Variants in CLCNKB observed in about 807,000 individuals in gnomAD.
The protein encoded by CLCNKB is chloride voltage-gated channel Kb.
In CLCNKB, 74 loss-of-function variants were observed where a neutral mutation model predicts 83.8. The ratio of observed to expected loss-of-function variants is 0.88; its 90% CI spans 0.73 to 1.07. CLCNKB has a LOEUF of 1.07. Among genes scored for constraint, CLCNKB ranks in the 50% least tolerant of loss-of-function variants. The pLI, the probability that CLCNKB is intolerant of heterozygous loss-of-function variation, is 0.00. For missense variants in CLCNKB, 798 were observed against 893.6 expected (o/e 0.89, Z 1.36); for synonymous variants, 358 against 356.6 (o/e 1.00, Z -0.04).
intron 6 of CLCNKB, 29 bp from the exon 7 acceptor site, chr1:16,048,475 A>C (rs775106990): frequency 6.2e-7 from 1 of 1,612,980 alleles, no homozygotes; most frequent in Non-Finnish European, 8.5e-7. Context: ...GAGGGGGCTG[A>C]CTCTGAGCCC....
Position 16,050,806 on chromosome 1 carries a change from C to T in CLCNKB, c.1054-69C>T, listed in dbSNP as rs897827928. ...GAGGAGGATTCCAGGCGGGGTCAGG[C>T]GGTGCGGGGGAGGCTGGGGTCTGCC... On this transcript the variant is annotated intron_variant, in intron 11 of 19. Coordinates refer to ENST00000375679, the MANE Select transcript of CLCNKB (RefSeq NM_000085.5). The T allele has an allele frequency of 7.4e-5, 118 of 1,602,710 alleles. 1 individual carries two copies. The highest frequency in any genetic ancestry group is 2.0e-4 in the Middle Eastern group (1 of 4,928).
Position 16,055,718 on chromosome 1 carries a change from C to T in CLCNKB, c.1889C>T (p.Pro630Leu). 1 of 1,613,912 alleles carries T rather than the reference C, an allele frequency of 6.2e-7. No homozygotes were observed. Among genetic ancestry groups the T allele is most frequent in the Non-Finnish European group, 8.5e-7 (1 of 1,180,038 alleles). ...DILAAGCPTE[P>L]VTLKLSPETS... Reference sequence around the variant, plus strand: ...TTGGCTGCAGGCTGCCCCACAGAACCAGTGACCCTGAAGCTGTCCCCAGAG... The same window carrying T: ...TTGGCTGCAGGCTGCCCCACAGAACTAGTGACCCTGAAGCTGTCCCCAGAG... Residue 630 changes from proline to leucine, a missense_variant, in exon 18 of 20, where the codon CCA (proline) becomes CTA (leucine). Physicochemically the swap from Pro to Leu is moderately conservative, Grantham distance 98. Coordinates refer to ENST00000375679, the MANE Select transcript of CLCNKB (RefSeq NM_000085.5).
Position 16,044,375 on chromosome 1 carries a change from A to ACACACACACACACACG in CLCNKB, c.-7-108_-7-107insACACACACACACGCAC, listed in dbSNP as rs1477671795. ...TTCACATACACACACACACACACAC[A>ACACACACACACACACG]CACGCACAATCTTTCCTCTTCATGG... On this transcript the variant is annotated intron_variant, in intron 1 of 19. Coordinates refer to ENST00000375679, the MANE Select transcript of CLCNKB (RefSeq NM_000085.5). The ACACACACACACACACG allele has an allele frequency of 9.8e-6, 8 of 812,920 alleles. No homozygotes were observed. The East Asian group carries it at 1.6e-4, about 16-fold the overall frequency. The allele number at this position is 812,920 out of a possible 1,614,324, so 50.4% of individuals were successfully genotyped here. A position where few individuals can be genotyped will look rare whatever the true frequency, so the allele number is the denominator to read the frequency against.
At chr1:16,054,698 C>A (rs896479045) in intron 16 of CLCNKB, among the ~76,000 whole-genome samples, 9 of 152,042 alleles carry the variant, frequency 5.9e-5, no homozygotes, top group African/African-American at 1.9e-4. Flanking sequence ...CCACCAAGAG[C>A]CTTCACTTCC....
chr1:16,052,989 C>T (rs2023340445), intron 15 of CLCNKB, among the ~76,000 whole-genome samples: 2 of 152,106 alleles, frequency 1.3e-5, no homozygotes, highest in Non-Finnish European at 2.9e-5. Context: ...CTGCTTACCC[C>T]AGTGGTTTCC....
At chr1:16,051,274 G>A (rs926893727) in intron 12 of CLCNKB, among the ~76,000 whole-genome samples, 10 of 152,174 alleles carry the variant, frequency 6.6e-5, no homozygotes, top group African/African-American at 2.2e-4. Flanking sequence ...GAGGAAGAAA[G>A]GAATGTACCT....
At chr1:16,049,450 ATGAGGC>A (rs2023212357) in intron 8 of CLCNKB, among the ~76,000 whole-genome samples, 162 bp from the exon 9 acceptor site, 2 of 152,012 alleles carry the variant, frequency 1.3e-5, no homozygotes, top group South Asian at 4.1e-4. Context: ...GGTAGAAGGG[ATGAGGC>A]TGGGCAGGGA....
At chr1:16,055,555 CGGGGGTGGGTCAG>C in intron 17 of CLCNKB, 32 bp downstream of exon 17, 1 of 697,176 alleles carries the variant, frequency 1.4e-6, no homozygotes, top group Non-Finnish European at 2.5e-6. Flanking sequence ...GGGGATGGGG[CGGGGGTGGGTCAG>C]CAGGAATGGG....
At chr1:16,055,177 T>A in intron 16 of CLCNKB, among the ~76,000 whole-genome samples, 1 of 152,120 alleles carries the variant, frequency 6.6e-6, no homozygotes, top group East Asian at 1.9e-4. Flanking sequence ...GGGATCTCAG[T>A]GGTGGCCAGG....
chr1:16,047,280 A>C (rs2863439), intron 4 of CLCNKB, among the ~76,000 whole-genome samples: 20,124 of 151,906 alleles, frequency 0.13, 1,571 homozygotes, highest in African/African-American at 0.18. Context: ...CTGTCTCTAC[A>C]ACAAATAGAA....
rs12093430 is a variant in CLCNKB at position 16,051,071 on chromosome 1, G to A, written c.1227+23G>A. The A allele has an allele frequency of 2.3e-3, 3,637 of 1,613,532 alleles. 81 individuals carry two copies. In the African/African-American group the frequency reaches 0.042, roughly 19 times the overall value. On this transcript the variant is annotated intron_variant, in intron 12 of 19. Coordinates refer to ENST00000375679, the MANE Select transcript of CLCNKB (RefSeq NM_000085.5). Reference sequence around the variant, plus strand: ...AAGGTGGGCCCCCTGGTCCCCAGGTGTGCACAGAGCTGGGACCAGCTCTGG... The same window carrying A: ...AAGGTGGGCCCCCTGGTCCCCAGGTATGCACAGAGCTGGGACCAGCTCTGG...
intron 16 of CLCNKB, among the ~76,000 whole-genome samples, chr1:16,054,423 C>G (rs2023384015): frequency 6.6e-6 from 1 of 152,170 alleles, no homozygotes; most frequent in Non-Finnish European, 1.5e-5. Context: ...CAGTGAGCAA[C>G]CTGTACAACC....
At position 16,053,581 on chromosome 1, in the gene CLCNKB, C is replaced by A. The variant is rs1440942751; in HGVS notation, c.1623-58C>A. On this transcript the variant is annotated intron_variant, in intron 15 of 19. Transcript: ENST00000375679. The stretch of plus-strand genomic sequence containing the variant: ...GCAAAGCTCCCCACAGATCCCCCTG[C>A]CAGCCTGGGTCTCACATCCCTGACT... 3.1e-6 allele frequency: 5 copies of A among 1,612,520 alleles called. No individual in the cohort carries two copies. In the Admixed American group the frequency reaches 8.3e-5, roughly 27 times the overall value.
rs755436182 is a variant in CLCNKB, at chr1:16,053,738, A to C, written c.1722A>C (p.Thr574=). ...AGGTGGTCAAGGTTGTGACCTCCAC[A>C]GACGTGGCCAAGTATCCCCTGGTGG... is the stretch of plus-strand genomic sequence containing the variant. ...LEEVVKVVTS[T]DVAKYPLVES... Residue 574 remains threonine (T), a synonymous_variant, in exon 16 of 20, where the codon ACA becomes ACC. Transcript: ENST00000375679. 7.4e-6 allele frequency: 12 copies of C among 1,613,926 alleles called. No homozygotes were observed. The highest frequency in any genetic ancestry group is 9.3e-6 in the Non-Finnish European group (11 of 1,180,000).
At chr1:16,056,275 C>T (rs1457904338) in intron 18 of CLCNKB, 147 bp from the exon 19 acceptor site, 8 of 866,388 alleles carry the variant, frequency 9.2e-6, no homozygotes, top group Non-Finnish European at 1.4e-5. Context: ...CCCCAGTGGC[C>T]ACATTGGACA....
chr1:16,048,905 A>G, intron 7 of CLCNKB: 1 of 1,448,852 alleles, frequency 6.9e-7, no homozygotes. Flanking sequence ...CGATAGCGAG[A>G]GGGCGCACAC....
Position 16,050,929 on chromosome 1 carries a change from A to T in CLCNKB, c.1108A>T (p.Met370Leu). 2 of 1,613,210 alleles carry T rather than the reference A, an allele frequency of 1.2e-6. No homozygotes were observed. The highest frequency in any genetic ancestry group is 1.7e-6 in the Non-Finnish European group (2 of 1,179,902). Residue 370 changes from methionine (M) to leucine (L), a missense_variant, in exon 12 of 20, where the codon ATG (methionine) becomes TTG (leucine). Met to Leu is a conservative substitution (Grantham distance 15). Transcript: ENST00000375679. ...SLFDNHSWAL[M>L]TQNSSPPWPE... ...GTTCGACAACCACTCCTGGGCGCTG[A>T]TGACCCAGAACTCCAGCCCACCCTG...
intron 2 of CLCNKB, 92 bp downstream of exon 2, chr1:16,044,684 A>G: frequency 9.3e-7 from 1 of 1,075,394 alleles, no homozygotes; most frequent in South Asian, 1.4e-5. Context: ...CCCAGGAACC[A>G]CCCTCCTCCT....
chr1:16,051,449 C>A, intron 12 of CLCNKB, 29 bp from the exon 13 acceptor site: 1 of 1,613,126 alleles, frequency 6.2e-7, no homozygotes. Context: ...CAGCCTCTAA[C>A]CTCTGCCCTG....
Sources: gnomAD v4.1 joint callset for allele counts (sites outside exome capture counted in the v4.1 genomes callset) on GRCh38, gnomAD v4.1.1 for gene constraint, MANE v1.5 for transcripts, NCBI Gene and HGNC (gene_info 2026-07-23, HGNC 2026-07-21) for gene names.